ROBO2: variants seen among roughly 807,000 people sequenced by gnomAD.
The protein encoded by ROBO2 is roundabout guidance receptor 2.
ROBO2 carries 53 observed loss-of-function variants against 160.8 expected under a neutral mutation model. The ratio of observed to expected loss-of-function variants is 0.33; its 90% confidence interval spans 0.26 to 0.41. The LOEUF (loss-of-function observed/expected upper bound fraction) is 0.41, where lower values mean the gene tolerates loss of function less well. Among genes scored for constraint, ROBO2 ranks in the 10% least tolerant of loss-of-function variants. The pLI is 1.00. For synonymous variants in ROBO2, 664 were observed against 611.7 expected (o/e 1.09, Z -1.26); for missense variants, 1,577 against 1,722.4 (o/e 0.92, Z 1.49).
At chr3:77,248,613 C>T (rs923160300) in intron 2 of ROBO2, among the ~76,000 whole-genome samples, 2 of 152,160 alleles carry the variant, frequency 1.3e-5, no homozygotes, top group Non-Finnish European at 2.9e-5. Flanking sequence ...CTCCTGCGCT[C>T]GCTCACCTGC....
chr3:76,272,868 TATATAATATATATTTATATATAAAA>T lies in ROBO2; in HGVS notation c.109+335292_109+335316del, dbSNP rs1475586997. ...TATATTATATATAAAATATATAAAA[TATATAATATATATTTATATATAAAA>T]ATATAATATATATTTATATATAAAA... On this transcript the variant is annotated intron_variant, in intron 2 of 26. Coordinates refer to the ROBO2 transcript ENST00000487694. 3.4e-3 allele frequency among the ~76,000 whole-genome samples: 286 copies of T among 84,418 alleles called. 37 individuals are homozygous for T. Among genetic ancestry groups the T allele is most frequent in the African/African-American group, 6.5e-3 (126 of 19,438 alleles). The allele number at this position is 84,418 out of a possible 152,430, so 55.4% of individuals were successfully genotyped here.
intron 2 of ROBO2, among the ~76,000 whole-genome samples, chr3:76,754,894 G>A (rs2060880898): frequency 6.6e-6 from 1 of 151,800 alleles, no homozygotes; most frequent in Non-Finnish European, 1.5e-5. Context: ...GAAAATATCA[G>A]GCCTAAATGT....
chr3:76,766,847 T>C (rs2061601868), intron 2 of ROBO2, among the ~76,000 whole-genome samples: 2 of 151,536 alleles, frequency 1.3e-5, no homozygotes, highest in African/African-American at 2.4e-5. Context: ...AGGACAGATA[T>C]AGGACTATGG....
intron 2 of ROBO2, among the ~76,000 whole-genome samples, chr3:76,771,736 A>T (rs568282638): frequency 6.6e-6 from 1 of 151,440 alleles, no homozygotes; most frequent in South Asian, 2.1e-4. Context: ...TAAATATTTT[A>T]AAATTTGCTT....
chr3:77,424,136 G>T (rs1221727024), intron 2 of ROBO2, among the ~76,000 whole-genome samples: 1 of 152,206 alleles, frequency 6.6e-6, no homozygotes. Flanking sequence ...TTATATATGT[G>T]ACAATTTGCA....
intron 2 of ROBO2, among the ~76,000 whole-genome samples, chr3:76,448,215 G>A (rs948462581): frequency 6.6e-6 from 1 of 152,028 alleles, no homozygotes; most frequent in South Asian, 2.1e-4. Context: ...TCTTGTGCAT[G>A]AATATGTAAG....
intron 1 of ROBO2, among the ~76,000 whole-genome samples, chr3:77,055,283 G>A (rs949773675): frequency 2.0e-5 from 3 of 152,080 alleles, no homozygotes; most frequent in African/African-American, 7.2e-5. Flanking sequence ...CTTGATATTA[G>A]GGGTGTCTAT....
chr3:77,479,129 C>A (rs1485489508), intron 3 of ROBO2, among the ~76,000 whole-genome samples: 1 of 152,082 alleles, frequency 6.6e-6, no homozygotes, highest in Non-Finnish European at 1.5e-5. Flanking sequence ...GTGGGCCCAA[C>A]AAATAGACAA....
chr3:77,269,582 T>A (rs1457326670), intron 2 of ROBO2, among the ~76,000 whole-genome samples: 1 of 151,226 alleles, frequency 6.6e-6, no homozygotes, highest in African/African-American at 2.4e-5. Context: ...GGAATTCCAA[T>A]GAAAACATGG....
chr3:76,234,342 G>C (rs1453271227), intron 2 of ROBO2, among the ~76,000 whole-genome samples: 2 of 152,132 alleles, frequency 1.3e-5, no homozygotes, highest in East Asian at 3.9e-4. Context: ...TGGGTTGAGT[G>C]GGAATTCTGT....
intron 2 of ROBO2, among the ~76,000 whole-genome samples, chr3:76,438,614 G>T (rs1287011060): frequency 6.6e-6 from 1 of 151,952 alleles, no homozygotes. Context: ...TAGTTTGAAA[G>T]ATTAAATTCC....
chr3:76,804,107 A>G (rs1052804317), intron 2 of ROBO2, among the ~76,000 whole-genome samples: 5 of 152,186 alleles, frequency 3.3e-5, no homozygotes, highest in African/African-American at 1.2e-4. Context: ...GAGGTGATCA[A>G]GAGTGATGGT....
intron 2 of ROBO2, among the ~76,000 whole-genome samples, chr3:77,439,190 C>T (rs2153551177): frequency 6.6e-6 from 1 of 152,010 alleles, no homozygotes; most frequent in East Asian, 1.9e-4. Context: ...TATCCATTGT[C>T]CCTTAAATTA....
intron 2 of ROBO2, among the ~76,000 whole-genome samples, chr3:76,552,758 G>A (rs1290485268): frequency 6.6e-6 from 1 of 152,216 alleles, no homozygotes; most frequent in Non-Finnish European, 1.5e-5. Context: ...CCTGAAGGAT[G>A]AGACAGAGCA....
intron 2 of ROBO2, among the ~76,000 whole-genome samples, chr3:76,819,765 A>G (rs1395762081): frequency 6.6e-6 from 1 of 152,090 alleles, no homozygotes; most frequent in East Asian, 1.9e-4. Flanking sequence ...CAAAAACAGT[A>G]AAAGGAAATA....
At chr3:77,292,825 A>G (rs571835656) in intron 2 of ROBO2, among the ~76,000 whole-genome samples, 1 of 149,064 alleles carries the variant, frequency 6.7e-6, no homozygotes, top group East Asian at 2.0e-4. Context: ...ATATAAAGTA[A>G]AACTGACGGT....
At chr3:76,497,018 C>T (rs1413500174) in intron 2 of ROBO2, among the ~76,000 whole-genome samples, 3 of 152,162 alleles carry the variant, frequency 2.0e-5, no homozygotes, top group African/African-American at 4.8e-5. Flanking sequence ...TAAAAAGAAG[C>T]AAGTCTTTAA....
At chr3:77,008,945 C>A (rs2061724588) in intron 2 of ROBO2, among the ~76,000 whole-genome samples, 1 of 152,104 alleles carries the variant, frequency 6.6e-6, no homozygotes, top group South Asian at 2.1e-4. Context: ...AATGTATAGA[C>A]TATTGTTTAT....
intron 2 of ROBO2, among the ~76,000 whole-genome samples, chr3:76,965,861 TATC>T (rs2059259248): frequency 6.8e-6 from 1 of 146,544 alleles, no homozygotes; most frequent in Non-Finnish European, 1.5e-5. Context: ...GAACCACCCA[TATC>T]TATAAGTTTT....
Sources: allele counts gnomAD v4.1 joint callset (sites outside exome capture counted in the v4.1 genomes callset), GRCh38; gene constraint gnomAD v4.1.1; transcripts MANE v1.5; gene names NCBI Gene and HGNC (gene_info 2026-07-23, HGNC 2026-07-21).